Variants in HDAC8 observed in about 807,000 individuals in gnomAD.
The protein encoded by HDAC8 is histone deacetylase 8, also known as histone deacetylase-like 1.
Under a neutral mutation model 32.2 loss-of-function variants are expected in HDAC8, and 1 was observed. The ratio of observed to expected loss-of-function variants is 0.03; its 90% CI spans 0.01 to 0.15. The LOEUF (loss-of-function observed/expected upper bound fraction) is 0.15, where lower values mean the gene tolerates loss of function less well. Ranked by LOEUF, HDAC8 falls within the 10% of genes least tolerant of loss-of-function variation. The pLI is 1.00. For missense variants in HDAC8, 117 were observed against 300.0 expected (o/e 0.39, Z 4.51); for synonymous variants, 108 against 113.9 (o/e 0.95, Z 0.33).
chrX:72,501,961 A>C (rs183134165), intron 4 of HDAC8, among the ~76,000 whole-genome samples: 128 of 112,303 alleles, frequency 1.1e-3, no homozygotes, highest in African/African-American at 4.0e-3. Flanking sequence ...TAGGCAAGGG[A>C]TATGAACAGA....
At chrX:72,401,846 T>G (rs782661802) in intron 9 of HDAC8, among the ~76,000 whole-genome samples, 2 of 112,587 alleles carry the variant, frequency 1.8e-5, no homozygotes, top group East Asian at 2.8e-4. Flanking sequence ...TTTTGAAATC[T>G]GTAAATAATA....
intron 9 of HDAC8, among the ~76,000 whole-genome samples, chrX:72,429,604 G>C (rs974237182): frequency 2.7e-5 from 3 of 112,110 alleles, no homozygotes; most frequent in East Asian, 2.8e-4. Context: ...GAAATGGGGA[G>C]GTGCTGGCTG....
At chrX:72,389,927 G>T (rs1026512570) in intron 9 of HDAC8, among the ~76,000 whole-genome samples, 4 of 111,721 alleles carry the variant, frequency 3.6e-5, no homozygotes, top group African/African-American at 1.3e-4. Context: ...TACCATGGGG[G>T]GCAGGGATGT....
At chrX:72,365,838 T>A (rs782141575) in intron 9 of HDAC8, among the ~76,000 whole-genome samples, 1 of 111,799 alleles carries the variant, frequency 8.9e-6, no homozygotes, top group African/African-American at 3.3e-5. Flanking sequence ...GTAGGATTTA[T>A]CTCTGATATA....
At chrX:72,559,522 T>C (rs1328724095) in intron 4 of HDAC8, among the ~76,000 whole-genome samples, 1 of 96,315 alleles carries the variant, frequency 1.0e-5, no homozygotes, top group Admixed American at 1.1e-4. Flanking sequence ...CGTCTCTGCC[T>C]GGCCGCCCAT....
chrX:72,442,711 C>T lies in HDAC8; in HGVS notation c.1005+19293G>A, dbSNP rs1166712520. On this transcript the variant is annotated intron_variant, in intron 9 of 10. Transcript: ENST00000373573. ...TATTAACTTTAAATGTAAATGGACT[C>T]AATGCTCCAATTAAAAGACACAGAC... 3.7e-5 allele frequency among the ~76,000 whole-genome samples: 4 copies of T among 109,101 alleles called. No homozygotes were observed. The East Asian group carries it at 8.7e-4, about 24-fold the overall frequency. 94.7% of individuals were successfully genotyped at this position (109,101 alleles called of 115,157 possible).
chrX:72,570,501 C>CG (rs2051981702), intron 2 of HDAC8, among the ~76,000 whole-genome samples: 1 of 107,889 alleles, frequency 9.3e-6, no homozygotes, highest in Non-Finnish European at 1.9e-5. Context: ...CCCAGCTACT[C>CG]GGGAGGCTGA....
Position 72,361,586 on chromosome X carries a change from T to G in HDAC8, c.1006-9748A>C, listed in dbSNP as rs947332950. 9.0e-5 allele frequency among the ~76,000 whole-genome samples: 10 copies of G among 110,791 alleles called. No individual in the cohort carries two copies. In the Admixed American group the frequency reaches 9.7e-4, roughly 11 times the overall value. On this transcript the variant is annotated intron_variant, in intron 9 of 10. Coordinates refer to ENST00000373573, the MANE Select transcript of HDAC8 (RefSeq NM_018486.3). Reference sequence around the variant, plus strand: ...ATATATATAGCCCATTTGCATGTCATCTAATTAGTAGGTTCTTATGTTAGT... The same window carrying G: ...ATATATATAGCCCATTTGCATGTCAGCTAATTAGTAGGTTCTTATGTTAGT...
intron 4 of HDAC8, among the ~76,000 whole-genome samples, chrX:72,498,758 T>C (rs2049113061): frequency 8.9e-6 from 1 of 112,068 alleles, no homozygotes; most frequent in Admixed American, 9.5e-5. Flanking sequence ...ATAAAGATGA[T>C]GTTCATGCAT....
At chrX:72,546,760 C>G (rs781926318) in intron 4 of HDAC8, among the ~76,000 whole-genome samples, 3 of 110,983 alleles carry the variant, frequency 2.7e-5, no homozygotes, top group Non-Finnish European at 5.7e-5. Flanking sequence ...ACTGGACAGG[C>G]ACTTCATCAG....
Position 72,572,076 on chromosome X carries a change from C to A in HDAC8, c.145G>T (p.Ala49Ser). 8.4e-7 allele frequency: 1 copy of A among 1,194,709 alleles called. No individual in the cohort carries two copies. Among genetic ancestry groups the A allele is most frequent in the Non-Finnish European group, 1.1e-6 (1 of 888,198 alleles). The part of the protein sequence containing the change: ...SMVHSLIEAY[A>S]LHKQMRIVKP... ...ACTTACCTCATCTGCTTATGCAGTG[C>A]ATATGCTTCAATCAAAGAATGCACC... The change falls in exon 2 of 11, where the codon GCA (alanine) becomes TCA (serine). Residue 49 changes from alanine to serine, a missense_variant. This residue lies in a region of HDAC8 where 37 missense variants were observed against 53.1 expected (regional missense o/e 0.70). Coordinates refer to ENST00000373573, the MANE Select transcript of HDAC8 (RefSeq NM_018486.3).
chrX:72,355,437 C>G (rs1434572518), intron 9 of HDAC8, among the ~76,000 whole-genome samples: 2 of 111,616 alleles, frequency 1.8e-5, no homozygotes, highest in Admixed American at 1.9e-4. Flanking sequence ...CTTTCCCCCT[C>G]AGCACTTCTT....
At chrX:72,566,746 A>G (rs782284051) in intron 4 of HDAC8, among the ~76,000 whole-genome samples, 21 of 112,189 alleles carry the variant, frequency 1.9e-4, no homozygotes, top group Non-Finnish European at 3.0e-4. Context: ...TTCTTCTTCA[A>G]TGTGGATTAA....
chrX:72,329,899 C>G lies in HDAC8; in HGVS notation c.*155G>C, dbSNP rs2043470174. On this transcript the variant is annotated 3_prime_UTR_variant, in exon 11 of 11. Transcript: ENST00000373573. ...GTGCCTGCCTCTTCACCCCAGGAAG[C>G]CAGCTGCCACTTGATGCCCCTTGGA... 2 of 791,029 alleles carry G rather than the reference C, an allele frequency of 2.5e-6. No homozygotes were observed. The highest frequency in any genetic ancestry group is 2.9e-5 in the Admixed American group (1 of 34,425). The allele number at this position is 791,029 out of a possible 1,213,427, so 65.2% of individuals were successfully genotyped here. A position where few individuals can be genotyped will look rare whatever the true frequency, so the allele number is the denominator to read the frequency against.
intron 7 of HDAC8, among the ~76,000 whole-genome samples, chrX:72,481,914 C>T (rs782737955): frequency 1.5e-4 from 17 of 110,910 alleles, no homozygotes; most frequent in African/African-American, 5.6e-4. Context: ...CCCAGCCCTA[C>T]CTGCTTCTAA....
chrX:72,409,108 C>T (rs192356832), intron 9 of HDAC8, among the ~76,000 whole-genome samples: 2 of 112,394 alleles, frequency 1.8e-5, no homozygotes, highest in Admixed American at 9.4e-5. Flanking sequence ...ATTGCTCTAA[C>T]AGAAACTAAA....
intron 9 of HDAC8, among the ~76,000 whole-genome samples, chrX:72,448,282 A>T (rs782111556): frequency 9.0e-6 from 1 of 111,651 alleles, no homozygotes; most frequent in Non-Finnish European, 1.9e-5. Flanking sequence ...ATAATGCTGC[A>T]TATCTACAAC....
intron 7 of HDAC8, chrX:72,473,922 A>G: frequency 2.7e-6 from 2 of 739,778 alleles, no homozygotes; most frequent in Non-Finnish European, 3.2e-6. Context: ...CAGGTTTCCA[A>G]TCTTCTTTGC....
intron 4 of HDAC8, among the ~76,000 whole-genome samples, chrX:72,551,147 T>C (rs782208906): frequency 9.2e-6 from 1 of 108,506 alleles, no homozygotes; most frequent in South Asian, 4.0e-4. Flanking sequence ...CAGTCCACAA[T>C]TGAAGAGGAG....
Sources: allele counts gnomAD v4.1 joint callset (sites outside exome capture counted in the v4.1 genomes callset), GRCh38; gene constraint gnomAD v4.1.1; regional missense constraint gnomAD v4.1.1; transcripts MANE v1.5; gene names NCBI Gene and HGNC (gene_info 2026-07-23, HGNC 2026-07-21).